LPAR1: variants seen among roughly 807,000 people sequenced by gnomAD.
LPAR1 encodes the protein LPA receptor 1.
In LPAR1, 5 loss-of-function variants were observed where a neutral mutation model predicts 23.8. The observed-to-expected ratio is 0.21, with a 90% confidence interval of 0.11 to 0.44. LPAR1 has a LOEUF of 0.44. LPAR1 is among the 20% of genes least tolerant of loss of function. LPAR1 has a pLI of 0.99. For missense variants in LPAR1, 311 were observed against 482.8 expected (o/e 0.64, Z 3.33); for synonymous variants, 160 against 164.7 (o/e 0.97, Z 0.22).
chr9:110,883,947 C>T (rs1197162023), intron 5 of LPAR1, among the ~76,000 whole-genome samples: 1 of 151,824 alleles, frequency 6.6e-6, no homozygotes, highest in Non-Finnish European at 1.5e-5. Context: ...CTCTTTTCTT[C>T]TCCCTCCCCC....
intron 5 of LPAR1, among the ~76,000 whole-genome samples, chr9:110,885,290 G>A (rs966495562): frequency 9.9e-5 from 15 of 152,086 alleles, no homozygotes; most frequent in Admixed American, 9.2e-4. Context: ...ATGTCTATTC[G>A]TTATGCAGGA....
chr9:110,962,146 G>C (rs1378753226), intron 4 of LPAR1, among the ~76,000 whole-genome samples: 1 of 152,114 alleles, frequency 6.6e-6, no homozygotes, highest in East Asian at 1.9e-4. Context: ...AATGATCTAT[G>C]GTTAAGTCTC....
rs373927695 is a variant in LPAR1, at chr9:111,008,336, T to C, written c.-182+27786A>G. 4.2e-3 allele frequency among the ~76,000 whole-genome samples: 643 copies of C among 152,180 alleles called. 2 individuals are homozygous for C. The highest frequency in any genetic ancestry group is 7.5e-3 in the Non-Finnish European group (510 of 67,990). On this transcript the variant is annotated intron_variant, in intron 2 of 5. Coordinates refer to ENST00000683809, the MANE Select transcript of LPAR1 (RefSeq NM_001351411.2). ...TGTAAAACTGCTGTGTGTGTATGCA[T>C]ACATAAGCACACACCTCCACCTCTG...
intron 2 of LPAR1, among the ~76,000 whole-genome samples, chr9:111,035,232 T>A (rs919254260): frequency 6.6e-6 from 1 of 151,994 alleles, no homozygotes; most frequent in Non-Finnish European, 1.5e-5. Context: ...CCCTAAGATT[T>A]TTTTTTTTAA....
chr9:110,975,043 A>G (rs2096526307), intron 2 of LPAR1, among the ~76,000 whole-genome samples: 1 of 152,016 alleles, frequency 6.6e-6, no homozygotes. Context: ...ATCTTGCTCT[A>G]TGTGACATAA....
chr9:110,940,572 G>A (rs2095034903), intron 5 of LPAR1, among the ~76,000 whole-genome samples: 2 of 152,154 alleles, frequency 1.3e-5, no homozygotes, highest in Non-Finnish European at 1.5e-5. Flanking sequence ...TATAGTCTAT[G>A]GAGAATGTAT....
At chr9:111,029,885 T>A (rs140554066) in intron 2 of LPAR1, among the ~76,000 whole-genome samples, 2,445 of 151,562 alleles carry the variant, frequency 0.016, 53 homozygotes, top group African/African-American at 0.056. Context: ...ACCCCATCTC[T>A]ACCAAAAAAT....
At chr9:110,980,855 C>T (rs1326375138) in intron 2 of LPAR1, among the ~76,000 whole-genome samples, 1 of 151,952 alleles carries the variant, frequency 6.6e-6, no homozygotes, top group East Asian at 1.9e-4. Flanking sequence ...TTGATCATTA[C>T]ACATTGTATA....
In LPAR1 at chr9:110,972,142, G is replaced by A; in HGVS notation, c.-25C>T. ...TGACAGCTCTGTGGTTGTAGGTGGT[G>A]AACACGCCCCAGAACTACGGGAGAC... On this transcript the variant is annotated 5_prime_UTR_variant, in exon 4 of 6. Transcript: ENST00000683809. 6.2e-7 allele frequency: 1 copy of A among 1,611,878 alleles called. No individual in the cohort carries two copies. The highest frequency in any genetic ancestry group is 1.1e-5 in the South Asian group (1 of 91,024).
intron 2 of LPAR1, among the ~76,000 whole-genome samples, chr9:110,983,647 A>T (rs543439548): frequency 1.7e-3 from 265 of 152,192 alleles, no homozygotes; most frequent in African/African-American, 6.3e-3. Context: ...ATTTTATGTT[A>T]TGTGTATTTT....
intron 5 of LPAR1, among the ~76,000 whole-genome samples, chr9:110,895,646 G>C (rs1325269473): frequency 6.6e-6 from 1 of 152,120 alleles, no homozygotes; most frequent in Non-Finnish European, 1.5e-5. Context: ...GTCTGTTGGA[G>C]ACTTATCAGA....
chr9:110,879,245 G>A (rs966804296), intron 5 of LPAR1, among the ~76,000 whole-genome samples: 5 of 151,530 alleles, frequency 3.3e-5, no homozygotes, highest in East Asian at 1.9e-4. Flanking sequence ...CGGTGAAACC[G>A]CATCTCTACT....
intron 5 of LPAR1, among the ~76,000 whole-genome samples, chr9:110,923,254 C>T (rs1255648288): frequency 6.6e-6 from 1 of 152,142 alleles, no homozygotes; most frequent in Admixed American, 6.5e-5. Context: ...TATAATAGTA[C>T]CTACCAAGTA....
At position 110,875,654 on chromosome 9, in the gene LPAR1, C is replaced by G; in HGVS notation, c.862G>C (p.Asp288His). Residue 288 changes from aspartate (D) to histidine (H), a missense_variant, in exon 6 of 6, where the codon GAC becomes CAC. Physicochemically the swap from Asp to His is moderately conservative, Grantham distance 81. Transcript: ENST00000683809. ...LLLDVCCPQC[D>H]VLAYEKFFLL... is the part of the protein sequence containing the mutation. ...AAGAATTTCTCATAGGCCAGCACGTCGCACTGTGGACAGCACACGTCTAGA... is the reference window on the plus strand; with the variant it reads ...AAGAATTTCTCATAGGCCAGCACGTGGCACTGTGGACAGCACACGTCTAGA... 6.2e-7 allele frequency: 1 copy of G among 1,613,990 alleles called. No homozygotes were observed. The highest frequency in any genetic ancestry group is 8.5e-7 in the Non-Finnish European group (1 of 1,179,926).
At chr9:111,037,888 C>G (rs2097923548) in intron 1 of LPAR1, 1 of 152,184 alleles carries the variant, frequency 6.6e-6, no homozygotes, top group Non-Finnish European at 1.5e-5. Flanking sequence ...GCGGCAACTT[C>G]CCTCCAGGGG....
intron 5 of LPAR1, among the ~76,000 whole-genome samples, chr9:110,932,378 C>T (rs910884876): frequency 9.2e-5 from 14 of 152,148 alleles, no homozygotes; most frequent in Admixed American, 2.6e-4. Flanking sequence ...AAGTAAATGA[C>T]GATGAATCCC....
intron 5 of LPAR1, among the ~76,000 whole-genome samples, chr9:110,881,056 T>C (rs2080644878): frequency 6.6e-6 from 1 of 152,200 alleles, no homozygotes; most frequent in African/African-American, 2.4e-5. Flanking sequence ...AGATTAACGC[T>C]TTTTCTAAAA....
At chr9:110,995,762 G>A (rs2096987335) in intron 2 of LPAR1, among the ~76,000 whole-genome samples, 1 of 152,022 alleles carries the variant, frequency 6.6e-6, no homozygotes, top group South Asian at 2.1e-4. Flanking sequence ...TGAAGCAAAG[G>A]GAATTAAGTG....
intron 5 of LPAR1, among the ~76,000 whole-genome samples, chr9:110,885,181 T>C (rs1440849523): frequency 6.6e-6 from 1 of 152,224 alleles, no homozygotes; most frequent in Non-Finnish European, 1.5e-5. Context: ...TTAGAGTTTA[T>C]TTGACGTTAT....
Sources: allele counts gnomAD v4.1 joint callset (sites outside exome capture counted in the v4.1 genomes callset), GRCh38; gene constraint gnomAD v4.1.1; transcripts MANE v1.5; gene names NCBI Gene and HGNC (gene_info 2026-07-23, HGNC 2026-07-21).